TCF3: variants seen among roughly 807,000 people sequenced by gnomAD.
The protein encoded by TCF3 is transcription factor E2-alpha.
In TCF3, 54 loss-of-function variants were observed where a neutral mutation model predicts 72.3. That is an observed-to-expected ratio of 0.75 (90% confidence interval 0.60 to 0.94). The LOEUF (loss-of-function observed/expected upper bound fraction) is 0.94, where lower values mean the gene tolerates loss of function less well. TCF3 is among the 40% of genes least tolerant of loss of function. The pLI, the probability that TCF3 is intolerant of heterozygous loss-of-function variation, is 0.00. For synonymous variants in TCF3, 525 were observed against 412.6 expected (o/e 1.27, Z -3.30); for missense variants, 1,078 against 934.4 (o/e 1.15, Z -2.00).
At chr19:1,644,132 A>G (rs532308539) in intron 3 of TCF3, among the ~76,000 whole-genome samples, 1 of 152,298 alleles carries the variant, frequency 6.6e-6, no homozygotes, top group African/African-American at 2.4e-5. Context: ...GGAAGCGGGG[A>G]AATGAGCTAC....
At chr19:1,639,374 G>A (rs1160895763) in intron 3 of TCF3, among the ~76,000 whole-genome samples, 1 of 152,014 alleles carries the variant, frequency 6.6e-6, no homozygotes, top group African/African-American at 2.4e-5. Flanking sequence ...GTTGACAATG[G>A]CTCGACCCAC....
chr19:1,623,014 G>C (rs185939915), intron 8 of TCF3, among the ~76,000 whole-genome samples: 41 of 152,296 alleles, frequency 2.7e-4, no homozygotes, highest in African/African-American at 9.4e-4. Context: ...TTTCAGGGCA[G>C]AGAAAGTGCA....
chr19:1,640,978 G>A (rs2065153346), intron 3 of TCF3, among the ~76,000 whole-genome samples: 2 of 152,030 alleles, frequency 1.3e-5, no homozygotes, highest in African/African-American at 4.8e-5. Flanking sequence ...GCGAAACCAT[G>A]TCTCTACTAA....
chr19:1,627,354 C>G lies in TCF3; in HGVS notation c.366+5G>C. On this transcript the variant is annotated splice_donor_5th_base_variant and intron_variant, in intron 6 of 18. Coordinates refer to ENST00000262965, the MANE Select transcript of TCF3 (RefSeq NM_003200.5). Reference sequence around the variant, plus strand: ...ATACACCCCAGCCCGGCCCGAGCCCCTCACCTGAGTCAGGCCGCCCACGCC... The same window carrying G: ...ATACACCCCAGCCCGGCCCGAGCCCGTCACCTGAGTCAGGCCGCCCACGCC... 2 of 1,608,780 alleles carry G rather than the reference C, an allele frequency of 1.2e-6. No homozygotes were observed. The highest frequency in any genetic ancestry group is 1.3e-5 in the African/African-American group (1 of 75,020).
intron 18 of TCF3, among the ~76,000 whole-genome samples, chr19:1,613,226 CA>C (rs1199929804): frequency 6.6e-6 from 1 of 152,150 alleles, no homozygotes; most frequent in Non-Finnish European, 1.5e-5. Flanking sequence ...TGGAATGCAG[CA>C]GAGCCCCATG....
At chr19:1,648,623 A>ATGGCCCTTCCGGAGCCT (rs1334538542) in intron 2 of TCF3, among the ~76,000 whole-genome samples, 2 of 152,236 alleles carry the variant, frequency 1.3e-5, no homozygotes, top group Non-Finnish European at 2.9e-5. Context: ...AAATACCAGC[A>ATGGCCCTTCCGGAGCCT]TGGCCCTTCC....
rs369999934 is a variant in TCF3 at position 1,642,453 on chromosome 19, G to T, written c.145+3902C>A. 1.6e-4 allele frequency among the ~76,000 whole-genome samples: 24 copies of T among 152,310 alleles called. No individual in the cohort carries two copies. The South Asian group carries it at 4.6e-3, about 29-fold the overall frequency. On this transcript the variant is annotated intron_variant, in intron 3 of 18. Coordinates refer to ENST00000262965, the MANE Select transcript of TCF3 (RefSeq NM_003200.5). ...ACCCCTGGGGGTGGCTAGGTGAGAG[G>T]AGAACACTCTGCCACTTCCTGTGAA... is the stretch of plus-strand genomic sequence containing the variant.
chr19:1,620,606 T>G (rs1309481408), intron 13 of TCF3, among the ~76,000 whole-genome samples: 2 of 152,176 alleles, frequency 1.3e-5, no homozygotes, highest in Non-Finnish European at 2.9e-5. Flanking sequence ...AGGTCCTGCC[T>G]CCTGGCTTTG....
chr19:1,631,435 A>G (rs1467049167), intron 5 of TCF3, among the ~76,000 whole-genome samples: 2 of 151,924 alleles, frequency 1.3e-5, no homozygotes, highest in African/African-American at 2.4e-5. Context: ...TGACCGGCTA[A>G]TTTTTGTGTT....
At chr19:1,626,215 C>T (rs867885765) in intron 6 of TCF3, among the ~76,000 whole-genome samples, 1 of 152,120 alleles carries the variant, frequency 6.6e-6, no homozygotes, top group African/African-American at 2.4e-5. Flanking sequence ...CTTTGGGAGG[C>T]TGAGGCGGGC....
intron 2 of TCF3, among the ~76,000 whole-genome samples, chr19:1,649,963 T>C (rs1236531622): frequency 6.6e-6 from 1 of 152,222 alleles, no homozygotes; most frequent in African/African-American, 2.4e-5. Flanking sequence ...TGTAGAATGC[T>C]GCGTCCGGGC....
chr19:1,623,038 G>A (rs1212118471), intron 8 of TCF3, among the ~76,000 whole-genome samples: 1 of 152,142 alleles, frequency 6.6e-6, no homozygotes, highest in Non-Finnish European at 1.5e-5. Flanking sequence ...TGGGGAAGGA[G>A]GGGAGTGAGT....
chr19:1,641,075 A>AGGAGGC (rs768267885), intron 3 of TCF3, among the ~76,000 whole-genome samples: 23 of 148,074 alleles, frequency 1.6e-4, no homozygotes, highest in South Asian at 4.4e-4. Flanking sequence ...GTTTGAACTC[A>AGGAGGC]GGAGGCGGAG....
At chr19:1,645,474 CT>C (rs902375764) in intron 3 of TCF3, among the ~76,000 whole-genome samples, 2 of 152,210 alleles carry the variant, frequency 1.3e-5, no homozygotes, top group East Asian at 1.9e-4. Flanking sequence ...CACAGCGCCC[CT>C]AGCCCGCCCC....
chr19:1,649,899 G>A (rs989457385), intron 2 of TCF3, among the ~76,000 whole-genome samples: 2 of 152,242 alleles, frequency 1.3e-5, no homozygotes, highest in African/African-American at 4.8e-5. Flanking sequence ...CCAAGCTGGG[G>A]GCCCAGGACC....
In TCF3 at chr19:1,619,094, C is replaced by CAAGCTCA. The variant is rs1192781293; in HGVS notation, c.1450+10_1450+16dup. 4.4e-6 allele frequency: 7 copies of CAAGCTCA among 1,599,122 alleles called. No individual in the cohort carries two copies. Among genetic ancestry groups the CAAGCTCA allele is most frequent in the Non-Finnish European group, 5.9e-6 (7 of 1,179,666 alleles). The stretch of plus-strand genomic sequence containing the variant: ...ACTGGAACCAGGAGTCGGACAGTCC[C>CAAGCTCA]AAGCTCAAGGGCTTACCACTGTAGG... On this transcript the variant is annotated intron_variant, in intron 16 of 18. Coordinates refer to ENST00000262965, the MANE Select transcript of TCF3 (RefSeq NM_003200.5).
intron 1 of TCF3, chr19:1,651,110 G>A (rs1600226367): frequency 4.3e-6 from 1 of 232,348 alleles, no homozygotes; most frequent in East Asian, 6.1e-5. Flanking sequence ...GGTCCCAGGG[G>A]GCTCCATTCT....
Position 1,611,680 on chromosome 19 carries a change from G to A in TCF3, c.*27C>T, listed in dbSNP as rs1298995319. The A allele has an allele frequency of 6.2e-7, 1 of 1,602,372 alleles. No homozygotes were observed. Among genetic ancestry groups the A allele is most frequent in the African/African-American group, 1.3e-5 (1 of 74,698 alleles). On this transcript the variant is annotated 3_prime_UTR_variant, in exon 19 of 19. Coordinates refer to ENST00000262965, the MANE Select transcript of TCF3 (RefSeq NM_003200.5). ...GGCCAGAGCACAGGGCTGAAAGCGG[G>A]TGGCTCGTCCCACGGAGGCATACCT...
chr19:1,636,484 A>T (rs1340446542), intron 3 of TCF3, among the ~76,000 whole-genome samples: 1 of 151,938 alleles, frequency 6.6e-6, no homozygotes, highest in South Asian at 2.1e-4. Context: ...TTTTTTGTAG[A>T]GATGGGGTCT....
Sources: gnomAD v4.1 joint callset for allele counts (sites outside exome capture counted in the v4.1 genomes callset) on GRCh38, gnomAD v4.1.1 for gene constraint, MANE v1.5 for transcripts, NCBI Gene and HGNC (gene_info 2026-07-23, HGNC 2026-07-21) for gene names.